Variants in PARVA observed in about 807,000 individuals in gnomAD.
PARVA encodes parvin alpha.
PARVA carries 25 observed loss-of-function variants against 52.6 expected under a neutral mutation model. The observed-to-expected ratio is 0.48, with a 90% CI of 0.35 to 0.66. The LOEUF (loss-of-function observed/expected upper bound fraction) is 0.66. PARVA is among the 30% of genes least tolerant of loss of function. The pLI, the probability that PARVA is intolerant of heterozygous loss-of-function variation, is 0.01. For missense variants in PARVA, 373 were observed against 450.9 expected (o/e 0.83, Z 1.56); for synonymous variants, 185 against 179.1 (o/e 1.03, Z -0.26).
At position 12,529,750 on chromosome 11, in the gene PARVA, A is replaced by G. The variant is rs1941748945; in HGVS notation, c.*1825A>G. The G allele has an allele frequency of 6.6e-6, 1 of 152,252 alleles. No homozygotes were observed. Among genetic ancestry groups the G allele is most frequent in the Admixed American group, 6.5e-5 (1 of 15,288 alleles). The allele number at this position is 152,252 out of a possible 1,614,324, so 9.4% of individuals were successfully genotyped here. A position where few individuals can be genotyped will look rare whatever the true frequency, so the allele number is the denominator to read the frequency against. ...AATTGAGGACCCATAAAATTTAGAT[A>G]ACTACATGTCTTTGCTCTTAGAATT... On this transcript the variant is annotated 3_prime_UTR_variant, in exon 13 of 13. Coordinates refer to ENST00000334956, the MANE Select transcript of PARVA (RefSeq NM_018222.5).
intron 1 of PARVA, among the ~76,000 whole-genome samples, chr11:12,420,737 T>A (rs1420425886): frequency 2.0e-5 from 3 of 152,226 alleles, no homozygotes; most frequent in African/African-American, 7.2e-5. Context: ...TTAAATCACT[T>A]AATCTTCTTA....
chr11:12,522,463 G>C (rs1472538951), intron 12 of PARVA, among the ~76,000 whole-genome samples: 3 of 140,438 alleles, frequency 2.1e-5, no homozygotes, highest in African/African-American at 8.1e-5. Context: ...TCGCTCTCCA[G>C]GCTGGAGTGC....
chr11:12,385,780 G>A (rs192810151), intron 1 of PARVA, among the ~76,000 whole-genome samples: 3 of 152,220 alleles, frequency 2.0e-5, no homozygotes, highest in Admixed American at 6.5e-5. Context: ...TGCTTCTTTT[G>A]TTTCTTCTCA....
chr11:12,503,450 A>C (rs1941387386), intron 5 of PARVA, among the ~76,000 whole-genome samples: 1 of 151,918 alleles, frequency 6.6e-6, no homozygotes, highest in Non-Finnish European at 1.5e-5. Context: ...ACCGGGAGAG[A>C]GCTGATCTGA....
chr11:12,408,656 C>CTTTTG (rs1939948472), intron 1 of PARVA, among the ~76,000 whole-genome samples: 1 of 152,206 alleles, frequency 6.6e-6, no homozygotes, highest in Admixed American at 6.5e-5. Context: ...GAACTGCTCA[C>CTTTTG]TTAACAAATA....
intron 4 of PARVA, among the ~76,000 whole-genome samples, chr11:12,494,196 A>G (rs1428478761): frequency 6.6e-6 from 1 of 152,216 alleles, no homozygotes; most frequent in Non-Finnish European, 1.5e-5. Flanking sequence ...GCACCTTTAT[A>G]TATTTACCAA....
chr11:12,430,638 G>A (rs76733366), intron 1 of PARVA, among the ~76,000 whole-genome samples: 2,083 of 152,198 alleles, frequency 0.014, 36 homozygotes, highest in African/African-American at 0.04. Flanking sequence ...GAATCATGAC[G>A]TTTAATGCAT....
chr11:12,423,420 G>C (rs1291182218), intron 1 of PARVA, among the ~76,000 whole-genome samples: 2 of 150,832 alleles, frequency 1.3e-5, no homozygotes, highest in Non-Finnish European at 3.0e-5. Flanking sequence ...TGAACTCCTG[G>C]GCTCAAGCAG....
chr11:12,469,908 C>G (rs978603810), intron 1 of PARVA, among the ~76,000 whole-genome samples: 2 of 152,138 alleles, frequency 1.3e-5, no homozygotes, highest in African/African-American at 4.8e-5. Flanking sequence ...TCAGACCCAC[C>G]TTTAGGAGTC....
chr11:12,513,404 A>G, intron 9 of PARVA, 44 bp downstream of exon 9: 1 of 1,551,260 alleles, frequency 6.4e-7, no homozygotes, highest in Non-Finnish European at 8.9e-7. Context: ...AGCGAGATGC[A>G]ACAGAACATT....
chr11:12,475,530 A>G (rs77919570), intron 3 of PARVA, among the ~76,000 whole-genome samples: 19,275 of 152,154 alleles, frequency 0.13, 1,357 homozygotes, highest in Non-Finnish European at 0.17. Flanking sequence ...TAGAGGATGG[A>G]AGGAGGAAAG....
At chr11:12,377,831 C>T (rs757290566) in intron 1 of PARVA, 48 bp downstream of exon 1, 6 of 1,416,178 alleles carry the variant, frequency 4.2e-6, no homozygotes, top group South Asian at 2.9e-5. Context: ...CCGGGGGTGC[C>T]GTAGGGGCCG....
chr11:12,469,019 G>A (rs1940894180), intron 1 of PARVA, among the ~76,000 whole-genome samples: 1 of 152,190 alleles, frequency 6.6e-6, no homozygotes, highest in Admixed American at 6.5e-5. Context: ...GGAGGCATAG[G>A]AGGGAGGGGT....
At chr11:12,457,078 C>T (rs1940707443) in intron 1 of PARVA, among the ~76,000 whole-genome samples, 2 of 152,146 alleles carry the variant, frequency 1.3e-5, no homozygotes, top group African/African-American at 4.8e-5. Context: ...GAAGATGCAA[C>T]TGGAATGAGG....
chr11:12,470,590 T>C (rs1940919753), intron 1 of PARVA, among the ~76,000 whole-genome samples: 1 of 152,202 alleles, frequency 6.6e-6, no homozygotes, highest in Non-Finnish European at 1.5e-5. Flanking sequence ...AAAAGAGAAA[T>C]AGTGCCAGTC....
chr11:12,381,499 A>G (rs907684330), intron 1 of PARVA, among the ~76,000 whole-genome samples: 31 of 152,198 alleles, frequency 2.0e-4, no homozygotes, highest in African/African-American at 6.8e-4. Context: ...GAAAGATATA[A>G]TACTTGTTAG....
At chr11:12,498,267 C>T (rs1032952294) in intron 5 of PARVA, among the ~76,000 whole-genome samples, 2 of 151,984 alleles carry the variant, frequency 1.3e-5, no homozygotes, top group African/African-American at 4.8e-5. Flanking sequence ...AACTCCTGAG[C>T]TCAGGCAGTC....
At chr11:12,395,496 G>T (rs894016934) in intron 1 of PARVA, among the ~76,000 whole-genome samples, 1 of 152,208 alleles carries the variant, frequency 6.6e-6, no homozygotes, top group African/African-American at 2.4e-5. Flanking sequence ...TAGAAGCACA[G>T]GCTTCCTGGG....
chr11:12,441,081 C>G (rs900618380), intron 1 of PARVA, among the ~76,000 whole-genome samples: 1 of 152,154 alleles, frequency 6.6e-6, no homozygotes, highest in African/African-American at 2.4e-5. Context: ...AAACAATCTC[C>G]TTTAATTAAT....
Sources: allele counts gnomAD v4.1 joint callset (sites outside exome capture counted in the v4.1 genomes callset), GRCh38; gene constraint gnomAD v4.1.1; transcripts MANE v1.5; gene names NCBI Gene and HGNC (gene_info 2026-07-23, HGNC 2026-07-21).